The following CCDC142 variants were observed in gnomAD, a reference collection of about 807,000 sequenced individuals.
CCDC142 encodes coiled-coil domain containing 142, also known as coiled-coil domain-containing protein 142.
CCDC142 carries 67 observed loss-of-function variants against 83.8 expected under a neutral mutation model. That is an observed-to-expected ratio of 0.80 (90% CI 0.66 to 0.98). CCDC142 has a LOEUF of 0.98. Among genes scored for constraint, CCDC142 ranks in the 50% least tolerant of loss-of-function variants. The pLI, the probability that CCDC142 is intolerant of heterozygous loss-of-function variation, is 0.00. For missense variants in CCDC142, 905 were observed against 946.8 expected, an observed-to-expected ratio of 0.96 and a Z score of 0.58; for synonymous variants, 421 against 421.2, an observed-to-expected ratio of 1.00 and a Z score of 0.01.
chr2:74,482,880 T>C lies in CCDC142; in HGVS notation c.-43A>G. On this transcript the variant is annotated 5_prime_UTR_variant, in exon 1 of 9. Coordinates refer to ENST00000393965, the MANE Select transcript of CCDC142 (RefSeq NM_001365575.2). This position sits in a 1 kb window ranked among gnomAD's most constrained non-coding sequence, Gnocchi z 5.0. Reference sequence around the variant, plus strand: ...ACGAACCTAACGATTCCCACTTCCCTGCACGGACCAACGCCCGCCGCAGCT... The same window carrying C: ...ACGAACCTAACGATTCCCACTTCCCCGCACGGACCAACGCCCGCCGCAGCT... The C allele has an allele frequency of 6.3e-7, 1 of 1,576,294 alleles. No homozygotes were observed. The highest frequency in any genetic ancestry group is 8.6e-7 in the Non-Finnish European group (1 of 1,166,326).
chr2:74,480,927 G>T, intron 4 of CCDC142, 29 bp downstream of exon 4: 2 of 1,611,830 alleles, frequency 1.2e-6, no homozygotes, highest in Non-Finnish European at 1.7e-6. Context: ...AGCTCAGGCT[G>T]CTCCCCTCCC....
intron 6 of CCDC142, 78 bp downstream of exon 6, chr2:74,475,534 G>C: frequency 1.4e-6 from 2 of 1,464,144 alleles, no homozygotes; most frequent in Non-Finnish European, 1.9e-6. Flanking sequence ...GACAGTGGAG[G>C]GGAACCGGAA....
rs1553382085 is a variant in CCDC142 at position 74,477,997 on chromosome 2, A to AAAT, written c.1504-2272_1504-2271insATT. The stretch of plus-strand genomic sequence containing the variant: ...GAGCCAAACTTCTAATTAAAAAAAA[A>AAAT]ATATATATATATATAAATAGATATA... On this transcript the variant is annotated intron_variant, in intron 5 of 8. Transcript: ENST00000393965. Among the ~76,000 whole-genome samples, 18 of 146,680 alleles carry AAAT rather than the reference A, an allele frequency of 1.2e-4. 1 individual carries two copies. Among genetic ancestry groups the AAAT allele is most frequent in the Middle Eastern group, 7.2e-3 (2 of 276 alleles).
Position 74,474,370 on chromosome 2 carries a change from C to T in CCDC142, c.*176G>A. 1 of 839,878 alleles carries T rather than the reference C, an allele frequency of 1.2e-6. No individual in the cohort carries two copies. Among genetic ancestry groups the T allele is most frequent in the Non-Finnish European group, 1.8e-6 (1 of 570,068 alleles). The allele number at this position is 839,878 out of a possible 1,614,324, so 52.0% of individuals were successfully genotyped here. On this transcript the variant is annotated 3_prime_UTR_variant, in exon 9 of 9. Coordinates refer to ENST00000393965, the MANE Select transcript of CCDC142 (RefSeq NM_001365575.2). ...AGTGCTGGATTACAGGCGTGAGCCA[C>T]CTCGCCCAGCCCCTAATCTTGGATT...
rs767279330 is a variant in CCDC142, at chr2:74,480,898, G to C, written c.1390-16C>G. 4.8e-5 allele frequency: 78 copies of C among 1,613,122 alleles called. No individual in the cohort carries two copies. Among genetic ancestry groups the C allele is most frequent in the Non-Finnish European group, 6.4e-5 (75 of 1,179,198 alleles). ...GCAACAGAGGCTTTGGGTGGAAACA[G>C]GGAGTGAGGGCTCAGCCTAGCTCAG... On this transcript the variant is annotated splice_polypyrimidine_tract_variant and intron_variant, in intron 4 of 8. Coordinates refer to ENST00000393965, the MANE Select transcript of CCDC142 (RefSeq NM_001365575.2).
Position 74,481,350 on chromosome 2 carries a change from T to C in CCDC142, c.1131A>G (p.Ser377=). ...WDQGFCQALG[S]ALGGQSSLPT... Reference sequence around the variant, plus strand: ...GAAGGCTGCTCTGACCCCCAAGAGCTGATCCCAAGGCCTGGCAGAAACCTG... The same window carrying C: ...GAAGGCTGCTCTGACCCCCAAGAGCCGATCCCAAGGCCTGGCAGAAACCTG... The change falls in exon 3 of 9, where the codon TCA becomes TCG. Residue 377 remains serine (S), a synonymous_variant. Coordinates refer to ENST00000393965, the MANE Select transcript of CCDC142 (RefSeq NM_001365575.2). 1 of 1,613,972 alleles carries C rather than the reference T, an allele frequency of 6.2e-7. No homozygotes were observed. Among genetic ancestry groups the C allele is most frequent in the Non-Finnish European group, 8.5e-7 (1 of 1,179,974 alleles).
rs543302963 is a variant in CCDC142, at chr2:74,482,368, C to A, written c.470G>T (p.Gly157Val). The A allele has an allele frequency of 6.3e-7, 1 of 1,586,510 alleles. No individual in the cohort carries two copies. Among genetic ancestry groups the A allele is most frequent in the Admixed American group, 1.9e-5 (1 of 53,070 alleles). ...CAGCGGCTCGAGAGTCTCCCCAGGG[C>A]CGATTCGCAGAACCGCCCCTTGGGA... ...HPSQGAVLRI[G>V]PGETLEPLLL... The change falls in exon 1 of 9, where the codon GGC (glycine) becomes GTC (valine). Residue 157 changes from glycine to valine, a missense_variant. By Grantham distance (109) the Gly-to-Val change is moderately radical (BLOSUM62 -3). Coordinates refer to ENST00000393965, the MANE Select transcript of CCDC142 (RefSeq NM_001365575.2). This position sits in a 1 kb window ranked among gnomAD's most constrained non-coding sequence, Gnocchi z 5.0.
intron 5 of CCDC142, among the ~76,000 whole-genome samples, chr2:74,476,768 A>C (rs1672335553): frequency 6.6e-6 from 1 of 152,180 alleles, no homozygotes; most frequent in Non-Finnish European, 1.5e-5. Context: ...ATCTTGAGGG[A>C]GAGGAACCCC....
rs1356984577 is a variant in CCDC142, at chr2:74,474,752, T to A, written c.2047A>T (p.Ser683Cys). Residue 683 changes from serine (S) to cysteine (C), a missense_variant, in exon 9 of 9, where the codon AGC (serine) becomes TGC (cysteine). Coordinates refer to ENST00000393965, the MANE Select transcript of CCDC142 (RefSeq NM_001365575.2). ...AGCGGGGGCTCCAAGCTCTCCAGGC[T>A]ATTGAGGCAGCTGCTGGGCAATTTC... ...TTKLPSSCLN[S>C]LESLEPPLQP... The A allele has an allele frequency of 6.2e-7, 1 of 1,613,618 alleles. No homozygotes were observed. The highest frequency in any genetic ancestry group is 8.5e-7 in the Non-Finnish European group (1 of 1,179,750).
Position 74,481,953 on chromosome 2 carries a change from G to C in CCDC142, c.885C>G (p.Leu295=), listed in dbSNP as rs1009681406. The change falls in exon 1 of 9, where the codon CTC becomes CTG. Residue 295 remains leucine, a synonymous_variant. Coordinates refer to ENST00000393965, the MANE Select transcript of CCDC142 (RefSeq NM_001365575.2). The stretch of plus-strand genomic sequence containing the variant: ...GGCTCCACAAGGCCCCAGCCCCTCC[G>C]AGCCCTAGTCCACAGCTGGCTGAAC... ...VAGSASCGLG[L]GGAGALWSQY... is the part of the protein sequence containing the mutation. The C allele has an allele frequency of 6.2e-7, 1 of 1,613,812 alleles. No individual in the cohort carries two copies. Among genetic ancestry groups the C allele is most frequent in the African/African-American group, 1.3e-5 (1 of 74,920 alleles).
chr2:74,480,855 A>C lies in CCDC142; in HGVS notation c.1417T>G (p.Tyr473Asp), dbSNP rs568441583. ...PPLLHEAEAL[Y>D]SLASEESLAL... ...AAGCTTTCCTCTGAGGCCAGGCTAT[A>C]CAAAGCTTCTGCCTCATGCAACAGA... Residue 473 changes from tyrosine to aspartate, a missense_variant, in exon 5 of 9, where the codon TAT becomes GAT. By Grantham distance (160) the Tyr-to-Asp change is radical (BLOSUM62 -3). Around this residue, in one of 3 missense-constraint regions of CCDC142, gnomAD observed 49 missense variants for 86.4 expected, o/e 0.57. Coordinates refer to ENST00000393965, the MANE Select transcript of CCDC142 (RefSeq NM_001365575.2). The C allele has an allele frequency of 6.2e-7, 1 of 1,613,990 alleles. No individual in the cohort carries two copies. Among genetic ancestry groups the C allele is most frequent in the Non-Finnish European group, 8.5e-7 (1 of 1,179,866 alleles).
chr2:74,480,163 G>T (rs191006131), intron 5 of CCDC142, among the ~76,000 whole-genome samples: 1 of 152,310 alleles, frequency 6.6e-6, no homozygotes, highest in East Asian at 1.9e-4. Flanking sequence ...TGGCATTACT[G>T]GGGAGAGGGT....
chr2:74,476,894 C>G (rs1187816060), intron 5 of CCDC142, among the ~76,000 whole-genome samples: 1 of 152,220 alleles, frequency 6.6e-6, no homozygotes, highest in African/African-American at 2.4e-5. Flanking sequence ...TGGCTCCTGG[C>G]ACATCTGACA....
At chr2:74,476,511 A>C (rs1672330139) in intron 5 of CCDC142, among the ~76,000 whole-genome samples, 1 of 152,180 alleles carries the variant, frequency 6.6e-6, no homozygotes, top group Middle Eastern at 3.2e-3. Flanking sequence ...CACCTACAAA[A>C]GGAAGACAAG....
At chr2:74,481,714 T>C (rs1672476208) in intron 1 of CCDC142, 103 bp downstream of exon 1, 1 of 1,454,728 alleles carries the variant, frequency 6.9e-7, no homozygotes, top group Non-Finnish European at 9.4e-7. Context: ...GTGTTCTTTC[T>C]AAAGGGCCTG....
chr2:74,482,843 G>T lies in CCDC142; in HGVS notation c.-6C>A, dbSNP rs1344113546. 7 of 1,596,070 alleles carry T rather than the reference G, an allele frequency of 4.4e-6. No homozygotes were observed. Among genetic ancestry groups the T allele is most frequent in the South Asian group, 3.3e-5 (3 of 90,584 alleles). On this transcript the variant is annotated 5_prime_UTR_variant, in exon 1 of 9. Transcript: ENST00000393965. This position sits in a 1 kb window ranked among gnomAD's most constrained non-coding sequence, Gnocchi z 5.0. The stretch of plus-strand genomic sequence containing the variant: ...GAGCGAGACGCCTGGGCCATGGGGC[G>T]GCGGGTCCAGAACGAACCTAACGAT...
Position 74,482,080 on chromosome 2 carries a change from T to C in CCDC142, c.758A>G (p.Glu253Gly), listed in dbSNP as rs1485533594. The change falls in exon 1 of 9, where the codon GAG (glutamate) becomes GGG (glycine). Residue 253 changes from glutamate to glycine, a missense_variant. Glu to Gly is a moderately conservative substitution (Grantham distance 98). Transcript: ENST00000393965. The surrounding 1 kb of genome is among the most constrained non-coding windows in gnomAD (Gnocchi z 5.0). Reference sequence around the variant, plus strand: ...CCTCAACGCCGATCCTTGGAGCGCCTCGTCCAGCCGACTTGCCACCTGGCA... The same window carrying C: ...CCTCAACGCCGATCCTTGGAGCGCCCCGTCCAGCCGACTTGCCACCTGGCA... ...RGCQVASRLDEALQGSALRDQ... is the reference protein window; with the variant it reads ...RGCQVASRLDGALQGSALRDQ... The C allele has an allele frequency of 1.2e-6, 2 of 1,613,352 alleles. No homozygotes were observed. Among genetic ancestry groups the C allele is most frequent in the African/African-American group, 1.3e-5 (1 of 74,908 alleles).
intron 8 of CCDC142, 30 bp downstream of exon 8, chr2:74,474,886 C>A: frequency 6.3e-7 from 1 of 1,580,440 alleles, no homozygotes; most frequent in Non-Finnish European, 8.6e-7. Context: ...TTGGGACACA[C>A]AAAGCAGTGA....
chr2:74,482,088 C>A lies in CCDC142; in HGVS notation c.750G>T (p.Arg250=). ...CCGATCCTTGGAGCGCCTCGTCCAG[C>A]CGACTTGCCACCTGGCAACCCCGCT... The part of the protein sequence containing the change: ...TGERGCQVAS[R]LDEALQGSAL... The change falls in exon 1 of 9, where the codon CGG becomes CGT. Residue 250 remains arginine, a synonymous_variant. Transcript: ENST00000393965. This position sits in a 1 kb window ranked among gnomAD's most constrained non-coding sequence, Gnocchi z 5.0. 2 of 1,613,614 alleles carry A rather than the reference C, an allele frequency of 1.2e-6. No homozygotes were observed. The highest frequency in any genetic ancestry group is 1.7e-6 in the Non-Finnish European group (2 of 1,179,964).
Sources: allele counts gnomAD v4.1 joint callset (sites outside exome capture counted in the v4.1 genomes callset), GRCh38; gene constraint gnomAD v4.1.1; regional missense constraint gnomAD v4.1.1; non-coding constraint Gnocchi (gnomAD v3.1); transcripts MANE v1.5; gene names NCBI Gene and HGNC (gene_info 2026-07-23, HGNC 2026-07-21).